The following IGF1R variants were observed in gnomAD, a reference collection of about 807,000 sequenced individuals.
IGF1R encodes insulin like growth factor 1 receptor.
IGF1R carries 44 observed loss-of-function variants against 144.6 expected under a neutral mutation model. The observed-to-expected ratio is 0.30, with a 90% CI of 0.24 to 0.39. The LOEUF (loss-of-function observed/expected upper bound fraction) is 0.39, where lower values mean the gene tolerates loss of function less well. Among genes scored for constraint, IGF1R ranks in the 10% least tolerant of loss-of-function variants. IGF1R has a pLI of 1.00. For synonymous variants in IGF1R, 795 were observed against 722.8 expected (o/e 1.10, Z -1.60); for missense variants, 1,355 against 1,833.7 (o/e 0.74, Z 4.77).
rs1883440516 is a variant in IGF1R, at chr15:98,961,323, TTTG to T, written c.*3884_*3886del. The T allele has an allele frequency of 4.3e-6, 1 of 233,330 alleles. No individual in the cohort carries two copies. Among genetic ancestry groups the T allele is most frequent in the African/African-American group, 2.2e-5 (1 of 45,302 alleles). The allele number at this position is 233,330 out of a possible 1,614,324, so 14.5% of individuals were successfully genotyped here. On this transcript the variant is annotated 3_prime_UTR_variant, in exon 21 of 21. Coordinates refer to ENST00000650285, the MANE Select transcript of IGF1R (RefSeq NM_000875.5). ...TCCGAGTTACTGATGTCATTTTGTT[TTTG>T]TTTTATGTAGGTAGCTTTTAAGTAG...
At chr15:98,653,464 T>C (rs1009134124) in intron 1 of IGF1R, among the ~76,000 whole-genome samples, 6 of 152,244 alleles carry the variant, frequency 3.9e-5, no homozygotes, top group Admixed American at 3.9e-4. Context: ...TAATGCAGTA[T>C]TGTTGTTTCT....
At chr15:98,712,655 C>A (rs968033875) in intron 2 of IGF1R, among the ~76,000 whole-genome samples, 2 of 150,840 alleles carry the variant, frequency 1.3e-5, no homozygotes, top group African/African-American at 4.9e-5. Flanking sequence ...GTCACCCAGG[C>A]TGGAGTGCAG....
chr15:98,655,090 C>T (rs2052453203), intron 1 of IGF1R, among the ~76,000 whole-genome samples: 1 of 152,126 alleles, frequency 6.6e-6, no homozygotes, highest in South Asian at 2.1e-4. Context: ...GTACACATCC[C>T]CTCATGCCTG....
At chr15:98,836,733 T>C (rs1390905007) in intron 2 of IGF1R, among the ~76,000 whole-genome samples, 1 of 152,234 alleles carries the variant, frequency 6.6e-6, no homozygotes, top group Non-Finnish European at 1.5e-5. Flanking sequence ...TATCTAGTCT[T>C]CTCCAGTCTG....
At chr15:98,744,801 A>G (rs1357922245) in intron 2 of IGF1R, among the ~76,000 whole-genome samples, 1 of 151,552 alleles carries the variant, frequency 6.6e-6, no homozygotes, top group Non-Finnish European at 1.5e-5. Flanking sequence ...TGAACTTTGT[A>G]TATGCTTTCC....
At chr15:98,879,942 C>T (rs1047330183) in intron 2 of IGF1R, among the ~76,000 whole-genome samples, 3 of 152,028 alleles carry the variant, frequency 2.0e-5, no homozygotes, top group African/African-American at 7.2e-5. Flanking sequence ...TCTATAGCGA[C>T]GAAAAGTGTA....
chr15:98,766,254 A>G (rs376631999), intron 2 of IGF1R, among the ~76,000 whole-genome samples: 21 of 152,316 alleles, frequency 1.4e-4, no homozygotes, highest in African/African-American at 4.1e-4. Flanking sequence ...TAAACTGTCA[A>G]TTATCCAAGC....
chr15:98,810,243 G>C (rs976123244), intron 2 of IGF1R, among the ~76,000 whole-genome samples: 1 of 152,150 alleles, frequency 6.6e-6, no homozygotes, highest in Non-Finnish European at 1.5e-5. Flanking sequence ...TAGCTGTGCT[G>C]GTGGTTTGCT....
chr15:98,666,369 C>T (rs934069949), intron 1 of IGF1R, among the ~76,000 whole-genome samples: 1 of 151,930 alleles, frequency 6.6e-6, no homozygotes, highest in Non-Finnish European at 1.5e-5. Flanking sequence ...TCCAGCAATT[C>T]CACTTTGGGG....
chr15:98,786,629 A>C (rs1215991950), intron 2 of IGF1R, among the ~76,000 whole-genome samples: 5 of 152,220 alleles, frequency 3.3e-5, no homozygotes, highest in Non-Finnish European at 5.9e-5. Context: ...CCTCTAATAC[A>C]GTGAAAAACC....
chr15:98,650,819 G>A, intron 1 of IGF1R: 1 of 772,650 alleles, frequency 1.3e-6, no homozygotes, highest in Non-Finnish European at 1.6e-6. Flanking sequence ...TAGTTAATAA[G>A]CAGTGTCGCT....
chr15:98,888,073 C>T (rs950720049), intron 2 of IGF1R, among the ~76,000 whole-genome samples: 2 of 152,162 alleles, frequency 1.3e-5, no homozygotes, highest in African/African-American at 4.8e-5. Flanking sequence ...TTCTTTATTC[C>T]TCCCTTGCTC....
chr15:98,813,033 G>A (rs772513074), intron 2 of IGF1R, among the ~76,000 whole-genome samples: 24 of 152,158 alleles, frequency 1.6e-4, no homozygotes, highest in Non-Finnish European at 3.4e-4. Flanking sequence ...GAAGCTTCTC[G>A]TCATCCCCCT....
chr15:98,813,817 C>CA (rs1359590883), intron 2 of IGF1R, among the ~76,000 whole-genome samples: 1 of 152,206 alleles, frequency 6.6e-6, no homozygotes, highest in Admixed American at 6.5e-5. Flanking sequence ...GCCTGACTAT[C>CA]AAGAGTTGCC....
intron 1 of IGF1R, among the ~76,000 whole-genome samples, chr15:98,665,905 G>A (rs768167230): frequency 2.1e-4 from 25 of 120,846 alleles, no homozygotes; most frequent in Non-Finnish European, 3.8e-4. Flanking sequence ...AGGCAACTTG[G>A]TAGATGGACT....
intron 2 of IGF1R, among the ~76,000 whole-genome samples, chr15:98,813,058 C>T (rs1477001771): frequency 6.6e-6 from 1 of 152,032 alleles, no homozygotes; most frequent in African/African-American, 2.4e-5. Flanking sequence ...TGGGGCGAGG[C>T]TTACTTCCTG....
rs116560068 is a variant in IGF1R at position 98,824,410 on chromosome 15, C to T, written c.641-66915C>T. Among the ~76,000 whole-genome samples, 1,519 of 152,318 alleles carry T rather than the reference C, an allele frequency of 1.0e-2. 31 individuals are homozygous for T. Among genetic ancestry groups the T allele is most frequent in the African/African-American group, 0.035 (1,436 of 41,552 alleles). On this transcript the variant is annotated intron_variant, in intron 2 of 20. Coordinates refer to ENST00000650285, the MANE Select transcript of IGF1R (RefSeq NM_000875.5). ...TCTCACCTTCAGCTTTTCCTTCCCT[C>T]CAATACATCCTGTAAATTATTGTCA...
chr15:98,650,938 A>G, intron 1 of IGF1R: 3 of 953,258 alleles, frequency 3.1e-6, no homozygotes, highest in Non-Finnish European at 3.7e-6. Context: ...CCCGGTGTCT[A>G]CGGCCGGAGG....
Position 98,934,924 on chromosome 15 carries a change from G to C in IGF1R, c.3057G>C (p.Lys1019Asn). ...GGATGGTCTATGAAGGAGTTGCCAA[G>C]GGTGTGGTGAAAGATGAACCTGAAA... ...SFGMVYEGVAKGVVKDEPETR... is the reference protein window; with the variant it reads ...SFGMVYEGVANGVVKDEPETR... The change falls in exon 16 of 21, where the codon AAG becomes AAC. Residue 1019 changes from lysine to asparagine, a missense_variant. Around this residue, in one of 7 missense-constraint regions of IGF1R, gnomAD observed 880 missense variants for 1,202.7 expected, o/e 0.73. Transcript: ENST00000650285. 6.2e-7 allele frequency: 1 copy of C among 1,614,180 alleles called. No homozygotes were observed. The highest frequency in any genetic ancestry group is 1.1e-5 in the South Asian group (1 of 91,082).
Sources: gnomAD v4.1 joint callset for allele counts (sites outside exome capture counted in the v4.1 genomes callset) on GRCh38, gnomAD v4.1.1 for gene constraint, gnomAD v4.1.1 regional missense constraint, MANE v1.5 for transcripts, NCBI Gene and HGNC (gene_info 2026-07-23, HGNC 2026-07-21) for gene names.